Variants in CEP57 observed in about 807,000 individuals in gnomAD.
CEP57 encodes the protein centrosomal protein of 57 kDa.
Under a neutral mutation model 68.0 loss-of-function variants are expected in CEP57, and 40 were observed. The ratio of observed to expected loss-of-function variants is 0.59; its 90% CI spans 0.46 to 0.77. CEP57 has a LOEUF of 0.77. CEP57 is among the 30% of genes least tolerant of loss of function. The pLI, the probability that CEP57 is intolerant of heterozygous loss-of-function variation, is 0.00. For missense variants in CEP57, 606 were observed against 580.7 expected (o/e 1.04, Z -0.45); for synonymous variants, 219 against 198.7 (o/e 1.10, Z -0.86).
At chr11:95,807,645 G>C (rs535136069) in intron 2 of CEP57, among the ~76,000 whole-genome samples, 2 of 152,294 alleles carry the variant, frequency 1.3e-5, no homozygotes, top group South Asian at 4.1e-4. Context: ...TGAATGAAAT[G>C]AAGCGAGAAG....
At chr11:95,829,607 T>C (rs509720) in intron 10 of CEP57, among the ~76,000 whole-genome samples, 42,345 of 152,146 alleles carry the variant, frequency 0.28, 7,066 homozygotes, top group Non-Finnish European at 0.38. Context: ...GAATTTAAAT[T>C]GGAGTTTATC....
intron 2 of CEP57, among the ~76,000 whole-genome samples, chr11:95,802,255 ATTT>A (rs1054489399): frequency 2.2e-5 from 3 of 138,228 alleles, no homozygotes; most frequent in African/African-American, 2.7e-5. Context: ...ACGTGACATG[ATTT>A]TTTTTTTTTT....
chr11:95,816,248 C>A (rs1180530867), intron 4 of CEP57, among the ~76,000 whole-genome samples: 1 of 152,154 alleles, frequency 6.6e-6, no homozygotes, highest in Non-Finnish European at 1.5e-5. Context: ...CCTATTAAAA[C>A]CATCAGATCT....
At chr11:95,803,745 C>CT (rs35320796) in intron 2 of CEP57, among the ~76,000 whole-genome samples, 40,957 of 149,252 alleles carry the variant, frequency 0.27, 6,773 homozygotes, top group Non-Finnish European at 0.38. Flanking sequence ...TACAAAAGAG[C>CT]TTTTTTTTTG....
At chr11:95,808,503 CAAAAT>C (rs1358787702) in intron 2 of CEP57, among the ~76,000 whole-genome samples, 1 of 151,720 alleles carries the variant, frequency 6.6e-6, no homozygotes, top group African/African-American at 2.4e-5. Context: ...CACATAGGCT[CAAAAT>C]AAAAGGATGG....
intron 8 of CEP57, chr11:95,827,552 T>A: frequency 2.0e-6 from 1 of 504,972 alleles, no homozygotes; most frequent in Non-Finnish European, 3.5e-6. Flanking sequence ...GGCTAGGAAA[T>A]GTAGGTTGCA....
At position 95,821,954 on chromosome 11, in the gene CEP57, A is replaced by G; in HGVS notation, c.783A>G (p.Lys261=). The change falls in exon 7 of 11, where the codon AAA becomes AAG. Residue 261 remains lysine (K), a synonymous_variant. Coordinates refer to ENST00000325542, the MANE Select transcript of CEP57 (RefSeq NM_014679.5). ...PCVPNARRIK[K]KKSKPPEKKS... The stretch of plus-strand genomic sequence containing the variant: ...TTCCCAATGCAAGAAGAATTAAAAA[A>G]AAGAAGTCAAAACCACCAGAAAAGG... 1 of 1,612,594 alleles carries G rather than the reference A, an allele frequency of 6.2e-7. No individual in the cohort carries two copies. The highest frequency in any genetic ancestry group is 8.5e-7 in the Non-Finnish European group (1 of 1,179,308).
chr11:95,824,209 G>A (rs11021330), intron 8 of CEP57, among the ~76,000 whole-genome samples: 1 of 151,866 alleles, frequency 6.6e-6, no homozygotes, highest in East Asian at 1.9e-4. Context: ...TGGCACCACT[G>A]TACTCCAGCA....
chr11:95,822,638 ATC>A, intron 8 of CEP57, 62 bp downstream of exon 8: 1 of 1,203,718 alleles, frequency 8.3e-7, no homozygotes, highest in Non-Finnish European at 1.2e-6. Context: ...AAGTCCCTGC[ATC>A]TGCAAGTATG....
rs931199218 is a variant in CEP57, at chr11:95,798,755, A to C, written c.46-477A>C. 1.6e-4 allele frequency among the ~76,000 whole-genome samples: 25 copies of C among 152,242 alleles called. 1 individual carries two copies. The highest frequency in any genetic ancestry group is 5.5e-4 in the African/African-American group (23 of 41,532). On this transcript the variant is annotated intron_variant, in intron 1 of 10. Coordinates refer to ENST00000325542, the MANE Select transcript of CEP57 (RefSeq NM_014679.5). ...TTTTCTAATTATTTTCTTTTTTGTT[A>C]ATTAAATGTAAAGTATTTGAGGCAA...
chr11:95,829,423 T>C (rs1160621186), intron 10 of CEP57, 92 bp downstream of exon 10: 8 of 1,268,718 alleles, frequency 6.3e-6, no homozygotes, highest in African/African-American at 4.4e-5. Context: ...AAGTGTATCA[T>C]AGATAAATAT....
intron 1 of CEP57, 116 bp downstream of exon 1, chr11:95,790,859 G>C (rs1793825735): frequency 8.3e-7 from 1 of 1,212,092 alleles, no homozygotes; most frequent in African/African-American, 1.5e-5. Flanking sequence ...AGGTCGGCGG[G>C]AATGCCTAGA....
intron 1 of CEP57, among the ~76,000 whole-genome samples, chr11:95,795,858 C>CT (rs1861322028): frequency 6.6e-6 from 1 of 152,178 alleles, no homozygotes; most frequent in South Asian, 2.1e-4. Flanking sequence ...TACACAAACT[C>CT]TTTTTTTCAG....
At chr11:95,828,527 G>A (rs1204233911) in intron 9 of CEP57, among the ~76,000 whole-genome samples, 1 of 152,154 alleles carries the variant, frequency 6.6e-6, no homozygotes, top group Non-Finnish European at 1.5e-5. Flanking sequence ...CGGGACCACT[G>A]TTGTATATGT....
At chr11:95,822,976 C>T in intron 8 of CEP57, 1 of 251,284 alleles carries the variant, frequency 4.0e-6, no homozygotes, top group South Asian at 5.1e-5. Flanking sequence ...GTCCTCACAT[C>T]CAGATCATTT....
intron 1 of CEP57, among the ~76,000 whole-genome samples, chr11:95,798,475 G>A (rs1861438324): frequency 6.6e-6 from 1 of 152,206 alleles, no homozygotes; most frequent in African/African-American, 2.4e-5. Flanking sequence ...GCCGTTTGAG[G>A]AAGGAAAGTG....
intron 1 of CEP57, 134 bp downstream of exon 1, chr11:95,790,877 G>A (rs936948515): frequency 1.2e-5 from 12 of 1,034,978 alleles, no homozygotes; most frequent in Non-Finnish European, 1.7e-5. Context: ...AGATTGCCCC[G>A]CGCTCCCCAA....
At chr11:95,818,445 C>T (rs1443264747) in intron 5 of CEP57, among the ~76,000 whole-genome samples, 4 of 151,878 alleles carry the variant, frequency 2.6e-5, no homozygotes, top group Non-Finnish European at 4.4e-5. Flanking sequence ...TTTTGAGTAT[C>T]CTTAAGGCTT....
At chr11:95,817,748 T>A (rs1333139564) in intron 4 of CEP57, 39 bp from the exon 5 acceptor site, 2 of 1,360,348 alleles carry the variant, frequency 1.5e-6, no homozygotes, top group South Asian at 1.2e-5. Flanking sequence ...TCTTTTTTGA[T>A]TGTCAAATTA....
Sources: gnomAD v4.1 joint callset for allele counts (sites outside exome capture counted in the v4.1 genomes callset) on GRCh38, gnomAD v4.1.1 for gene constraint, MANE v1.5 for transcripts, NCBI Gene and HGNC (gene_info 2026-07-23, HGNC 2026-07-21) for gene names.